The following ANKS1B variants were observed in gnomAD, a reference collection of about 807,000 sequenced individuals.
ANKS1B encodes the protein ankyrin repeat and sterile alpha motif domain-containing protein 1B.
A neutral mutation model predicts 148.3 loss-of-function variants in ANKS1B; 36 were observed. That is an observed-to-expected ratio of 0.24 (90% CI 0.19 to 0.32). The LOEUF is 0.32. Among genes scored for constraint, ANKS1B ranks in the 10% least tolerant of loss-of-function variants. The pLI is 1.00. For synonymous variants in ANKS1B, 542 were observed against 560.8 expected (o/e 0.97, Z 0.47); for missense variants, 1,157 against 1,542.6 (o/e 0.75, Z 4.19).
rs188724471 is a variant in ANKS1B, at chr12:98,980,341, C to T, written c.2778+72816G>A. Among the ~76,000 whole-genome samples the T allele has an allele frequency of 4.1e-4, 62 of 152,308 alleles. 3 individuals carry two copies. In the South Asian group the frequency reaches 0.012, roughly 30 times the overall value. ...TCAGCCTCCCGAGTAGCTGGGACTA[C>T]AGGCACCCGCCACCACGCCCAGCTA... On this transcript the variant is annotated intron_variant, in intron 17 of 26. Transcript: ENST00000683438.
chr12:99,164,398 CTTAT>C (rs1287933443), intron 14 of ANKS1B, among the ~76,000 whole-genome samples: 3 of 151,846 alleles, frequency 2.0e-5, no homozygotes, highest in African/African-American at 7.3e-5. Context: ...ATCTTATGTT[CTTAT>C]TTATTTACAT....
At chr12:99,528,432 C>CAAA (rs537716638) in intron 9 of ANKS1B, among the ~76,000 whole-genome samples, 3,156 of 96,562 alleles carry the variant, frequency 0.033, 96 homozygotes, top group African/African-American at 0.12. Flanking sequence ...AAAACAAAAA[C>CAAA]AAAAAAAAAA....
chr12:99,517,370 A>G (rs1475014794), intron 9 of ANKS1B, among the ~76,000 whole-genome samples: 1 of 141,768 alleles, frequency 7.1e-6, no homozygotes, highest in Non-Finnish European at 1.5e-5. Context: ...GTATCCTGAC[A>G]CTACTAAATT....
At position 98,803,764 on chromosome 12, in the gene ANKS1B, A is replaced by T. The variant is rs187428497; in HGVS notation, c.3142-2639T>A. 1.6e-4 allele frequency among the ~76,000 whole-genome samples: 25 copies of T among 152,364 alleles called. No individual in the cohort carries two copies. The East Asian group carries it at 4.8e-3, about 29-fold the overall frequency. The stretch of plus-strand genomic sequence containing the variant: ...GGGTTATGAAAACATTTCACGTGTT[A>T]GTACATTAAGCATGCAAATCATATG... On this transcript the variant is annotated intron_variant, in intron 20 of 26. Coordinates refer to ENST00000683438, the MANE Select transcript of ANKS1B (RefSeq NM_001352186.2).
intron 1 of ANKS1B, among the ~76,000 whole-genome samples, chr12:99,944,225 T>A (rs184433282): frequency 6.6e-6 from 1 of 152,184 alleles, no homozygotes; most frequent in African/African-American, 2.4e-5. Flanking sequence ...CAGTCACCAA[T>A]AAGGGAATTC....
chr12:99,721,621 C>T (rs1016365217), intron 8 of ANKS1B, among the ~76,000 whole-genome samples: 2 of 152,172 alleles, frequency 1.3e-5, no homozygotes, highest in African/African-American at 4.8e-5. Flanking sequence ...ACGGCCCCAC[C>T]CCTATCTCCC....
chr12:98,982,621 T>C (rs141030690), intron 17 of ANKS1B, among the ~76,000 whole-genome samples: 145 of 152,356 alleles, frequency 9.5e-4, no homozygotes, highest in Non-Finnish European at 1.8e-3. Flanking sequence ...TTGCATATTT[T>C]TGAATGCATG....
intron 23 of ANKS1B, 74 bp from the exon 24 acceptor site, chr12:98,781,277 G>A: frequency 1.2e-6 from 1 of 813,576 alleles, no homozygotes; most frequent in Non-Finnish European, 2.1e-6. Context: ...TTTTCCTCCT[G>A]AAAGATAAAG....
chr12:99,313,705 T>C lies in ANKS1B; in HGVS notation c.1757-66841A>G, dbSNP rs183217834. 3.3e-5 allele frequency among the ~76,000 whole-genome samples: 5 copies of C among 152,232 alleles called. 1 individual carries two copies. Among genetic ancestry groups the C allele is most frequent in the African/African-American group, 1.2e-4 (5 of 41,566 alleles). ...CAGTAGGTGCAGAAAAGGCCTTTGATAAAATTCAACATCCCTTCATGTTCA... is the reference window on the plus strand; with the variant it reads ...CAGTAGGTGCAGAAAAGGCCTTTGACAAAATTCAACATCCCTTCATGTTCA... On this transcript the variant is annotated intron_variant, in intron 12 of 26. Coordinates refer to ENST00000683438, the MANE Select transcript of ANKS1B (RefSeq NM_001352186.2).
intron 1 of ANKS1B, among the ~76,000 whole-genome samples, chr12:99,941,680 C>A (rs979418055): frequency 5.9e-5 from 9 of 152,116 alleles, no homozygotes; most frequent in African/African-American, 2.2e-4. Flanking sequence ...GAAAACTGAT[C>A]TCCTAGCTAA....
chr12:99,152,591 GTATTATATTTGCTCA>G (rs896660672), intron 15 of ANKS1B, among the ~76,000 whole-genome samples: 1 of 152,052 alleles, frequency 6.6e-6, no homozygotes, highest in African/African-American at 2.4e-5. Flanking sequence ...TTTCAAAAAG[GTATTATATTTGCTCA>G]TAAGTGTTTA....
At chr12:99,741,203 T>TCAAA (rs1203561294) in intron 8 of ANKS1B, among the ~76,000 whole-genome samples, 1 of 64,912 alleles carries the variant, frequency 1.5e-5, no homozygotes, top group Admixed American at 1.8e-4. Context: ...CTAGGCTCCG[T>TCAAA]CAAACACACA....
chr12:99,762,688 T>C (rs188120128), intron 8 of ANKS1B, among the ~76,000 whole-genome samples: 49 of 151,928 alleles, frequency 3.2e-4, no homozygotes, highest in Non-Finnish European at 6.2e-4. Context: ...TAAAACCTTC[T>C]GCACAGAAAA....
chr12:98,835,298 G>GTCATTTTGAAAT, intron 17 of ANKS1B, among the ~76,000 whole-genome samples: 1 of 152,264 alleles, frequency 6.6e-6, no homozygotes, highest in South Asian at 2.1e-4. Flanking sequence ...AATTTCAAAT[G>GTCATTTTGAAAT]TGGTTGGGAA....
intron 12 of ANKS1B, among the ~76,000 whole-genome samples, chr12:99,366,541 C>A (rs548847000): frequency 3.9e-5 from 6 of 152,102 alleles, no homozygotes; most frequent in African/African-American, 1.4e-4. Flanking sequence ...CAGAAATAGA[C>A]CCAGGTATAT....
At chr12:99,799,350 C>G (rs751903925) in intron 4 of ANKS1B, among the ~76,000 whole-genome samples, 6 of 152,108 alleles carry the variant, frequency 3.9e-5, no homozygotes, top group Non-Finnish European at 7.4e-5. Flanking sequence ...TGAGGCTAGC[C>G]TCTTAGAAAG....
chr12:99,326,329 T>G (rs1227902292), intron 12 of ANKS1B, among the ~76,000 whole-genome samples: 1 of 152,044 alleles, frequency 6.6e-6, no homozygotes, highest in Non-Finnish European at 1.5e-5. Flanking sequence ...GAGAGTGTTT[T>G]GAGAAAGGTA....
chr12:99,128,433 T>C (rs1186386018), intron 15 of ANKS1B, among the ~76,000 whole-genome samples: 1 of 152,090 alleles, frequency 6.6e-6, no homozygotes, highest in Non-Finnish European at 1.5e-5. Flanking sequence ...TGAATCAGAC[T>C]ATCAGGCAGT....
chr12:98,963,016 T>G (rs1482950653), intron 17 of ANKS1B, among the ~76,000 whole-genome samples: 3 of 151,882 alleles, frequency 2.0e-5, no homozygotes, highest in African/African-American at 7.3e-5. Context: ...ATAAACAATG[T>G]AACAATGCAT....
Sources: allele counts gnomAD v4.1 joint callset (sites outside exome capture counted in the v4.1 genomes callset), GRCh38; gene constraint gnomAD v4.1.1; transcripts MANE v1.5; gene names NCBI Gene and HGNC (gene_info 2026-07-23, HGNC 2026-07-21).